The following MAGI1 variants were observed in gnomAD, a reference collection of about 807,000 sequenced individuals.
The protein encoded by MAGI1 is membrane associated guanylate kinase, WW and PDZ domain containing 1, also known as membrane-associated guanylate kinase, WW and PDZ domain-containing protein 1.
Under a neutral mutation model 139.9 loss-of-function variants are expected in MAGI1, and 58 were observed. The observed-to-expected ratio is 0.41, with a 90% CI of 0.34 to 0.52. MAGI1 has a LOEUF of 0.52. Among genes scored for constraint, MAGI1 ranks in the 20% least tolerant of loss-of-function variants. The pLI, the probability that MAGI1 is intolerant of heterozygous loss-of-function variation, is 0.12. For synonymous variants in MAGI1, 812 were observed against 737.9 expected (o/e 1.10, Z -1.63); for missense variants, 1,874 against 1,901.6 (o/e 0.99, Z 0.27).
At chr3:65,634,934 C>T (rs1576549744) in intron 1 of MAGI1, among the ~76,000 whole-genome samples, 1 of 152,028 alleles carries the variant, frequency 6.6e-6, no homozygotes, top group East Asian at 1.9e-4. Flanking sequence ...GATAACCTAG[C>T]AAAATGGAAA....
intron 1 of MAGI1, among the ~76,000 whole-genome samples, chr3:65,837,497 C>T (rs1309465872): frequency 6.6e-6 from 1 of 152,212 alleles, no homozygotes; most frequent in Non-Finnish European, 1.5e-5. Flanking sequence ...GTCCAGCTCA[C>T]ACAAGGGAAC....
At chr3:65,504,789 G>T (rs1455060015) in intron 2 of MAGI1, among the ~76,000 whole-genome samples, 2 of 152,148 alleles carry the variant, frequency 1.3e-5, no homozygotes, top group African/African-American at 4.8e-5. Flanking sequence ...TACTGAGGAG[G>T]ACCAGAAAAC....
At chr3:65,749,083 A>G (rs116225079) in intron 1 of MAGI1, among the ~76,000 whole-genome samples, 2,380 of 152,264 alleles carry the variant, frequency 0.016, 30 homozygotes, top group South Asian at 0.044. Context: ...AATAAGAGGA[A>G]CACAGCACAG....
intron 1 of MAGI1, among the ~76,000 whole-genome samples, chr3:65,904,886 T>C (rs2061376134): frequency 6.6e-6 from 1 of 152,036 alleles, no homozygotes; most frequent in Non-Finnish European, 1.5e-5. Context: ...AGGCTGCCCA[T>C]CCCCTCTTTG....
At chr3:65,980,031 T>C (rs2065485703) in intron 1 of MAGI1, among the ~76,000 whole-genome samples, 1 of 152,170 alleles carries the variant, frequency 6.6e-6, no homozygotes, top group African/African-American at 2.4e-5. Flanking sequence ...GCCTTGTCCC[T>C]GGGCAACCGA....
intron 1 of MAGI1, among the ~76,000 whole-genome samples, chr3:65,845,180 G>A (rs530411324): frequency 1.3e-5 from 2 of 152,048 alleles, no homozygotes; most frequent in East Asian, 3.9e-4. Flanking sequence ...GAACCCAGGA[G>A]GCGGCGGTTG....
intron 3 of MAGI1, among the ~76,000 whole-genome samples, chr3:65,479,927 G>C (rs541448433): frequency 6.6e-6 from 1 of 152,140 alleles, no homozygotes; most frequent in Admixed American, 6.5e-5. Context: ...ATCAACCTTA[G>C]AATGCCATCG....
intron 1 of MAGI1, among the ~76,000 whole-genome samples, chr3:65,977,108 A>G (rs2065302082): frequency 6.6e-6 from 1 of 152,152 alleles, no homozygotes; most frequent in Non-Finnish European, 1.5e-5. Context: ...CCTACTTATA[A>G]ATGATTGTGA....
At chr3:65,907,021 C>T (rs542412914) in intron 1 of MAGI1, among the ~76,000 whole-genome samples, 15 of 147,360 alleles carry the variant, frequency 1.0e-4, no homozygotes, top group Non-Finnish European at 1.9e-4. Context: ...CATTGATCCA[C>T]AAATTCAGTG....
At chr3:65,849,497 ACATATATATATATC>A (rs1408203783) in intron 1 of MAGI1, among the ~76,000 whole-genome samples, 1 of 134,594 alleles carries the variant, frequency 7.4e-6, no homozygotes. Flanking sequence ...CATCAAATAT[ACATATATATATATC>A]ATCAAATATA....
chr3:65,833,336 T>C (rs1442806804), intron 1 of MAGI1, among the ~76,000 whole-genome samples: 2 of 151,918 alleles, frequency 1.3e-5, no homozygotes, highest in Non-Finnish European at 2.9e-5. Flanking sequence ...CCAGGCTGGT[T>C]TCAAACTCCT....
intron 1 of MAGI1, among the ~76,000 whole-genome samples, chr3:65,998,609 T>C (rs1436751691): frequency 6.6e-6 from 1 of 152,216 alleles, no homozygotes; most frequent in East Asian, 1.9e-4. Context: ...TGTTAGGCCT[T>C]CCTTATTTGA....
chr3:65,885,046 C>CA (rs968442940), intron 1 of MAGI1, among the ~76,000 whole-genome samples: 72 of 151,978 alleles, frequency 4.7e-4, no homozygotes, highest in African/African-American at 9.4e-4. Flanking sequence ...AAATATTCAA[C>CA]AAAAAAATCA....
At chr3:65,775,942 TAAAA>T (rs11371013) in intron 1 of MAGI1, among the ~76,000 whole-genome samples, 3 of 143,922 alleles carry the variant, frequency 2.1e-5, no homozygotes, top group Non-Finnish European at 4.5e-5. Context: ...ACCCTGTCTT[TAAAA>T]AAAAAAAAAA....
chr3:65,673,746 T>C (rs1269134550), intron 1 of MAGI1, among the ~76,000 whole-genome samples: 1 of 152,230 alleles, frequency 6.6e-6, no homozygotes, highest in Non-Finnish European at 1.5e-5. Flanking sequence ...TGCGTGCACA[T>C]TCCTATAACA....
At chr3:65,561,449 C>G (rs907174528) in intron 2 of MAGI1, among the ~76,000 whole-genome samples, 7 of 152,032 alleles carry the variant, frequency 4.6e-5, no homozygotes, top group African/African-American at 1.7e-4. Flanking sequence ...AATCTAAACA[C>G]AAGAAGCAAA....
intron 1 of MAGI1, among the ~76,000 whole-genome samples, chr3:66,032,369 C>A (rs1025296963): frequency 1.6e-4 from 24 of 146,456 alleles, no homozygotes; most frequent in Middle Eastern, 3.4e-3. Flanking sequence ...CACCACCACG[C>A]CCGGCTAATT....
chr3:65,874,303 C>T (rs1411144077), intron 1 of MAGI1: 1 of 152,136 alleles, frequency 6.6e-6, no homozygotes, highest in African/African-American at 2.4e-5. Flanking sequence ...TAAAAAGCCT[C>T]TGTCTCAAAA....
intron 1 of MAGI1, among the ~76,000 whole-genome samples, chr3:65,751,298 G>A (rs1576999259): frequency 6.6e-6 from 1 of 152,194 alleles, no homozygotes; most frequent in Admixed American, 6.5e-5. Flanking sequence ...CCTGCCCCCT[G>A]CTGGGCAATG....
Sources: gnomAD v4.1 joint callset for allele counts (sites outside exome capture counted in the v4.1 genomes callset) on GRCh38, gnomAD v4.1.1 for gene constraint, MANE v1.5 for transcripts, NCBI Gene and HGNC (gene_info 2026-07-23, HGNC 2026-07-21) for gene names.